Variants in KIF1A observed in about 807,000 individuals in gnomAD.
The protein encoded by KIF1A is kinesin-like protein KIF1A.
A neutral mutation model predicts 227.3 loss-of-function variants in KIF1A; 46 were observed. The ratio of observed to expected loss-of-function variants is 0.20; its 90% CI spans 0.16 to 0.26. KIF1A has a LOEUF of 0.26. Ranked by LOEUF, KIF1A falls within the 10% of genes least tolerant of loss-of-function variation. The pLI, the probability that KIF1A is intolerant of heterozygous loss-of-function variation, is 1.00. For missense variants in KIF1A, 1,683 were observed against 2,485.9 expected (o/e 0.68, Z 6.87); for synonymous variants, 1,022 against 1,012.8 (o/e 1.01, Z -0.17).
chr2:240,757,249 G>A lies in KIF1A; in HGVS notation c.2858+70C>T. ...CGGGCCAGGCCCCAGCGGTTCCTCTGTGCCCGCAGCAGTGCTCCTGTGCAA... is the reference window on the plus strand; with the variant it reads ...CGGGCCAGGCCCCAGCGGTTCCTCTATGCCCGCAGCAGTGCTCCTGTGCAA... On this transcript the variant is annotated intron_variant, in intron 27 of 48. Transcript: ENST00000498729. The surrounding 1 kb of genome is among the most constrained non-coding windows in gnomAD (Gnocchi z 6.2). 2.1e-6 allele frequency: 3 copies of A among 1,447,950 alleles called. No homozygotes were observed. Among genetic ancestry groups the A allele is most frequent in the East Asian group, 2.5e-5 (1 of 40,238 alleles). 89.7% of individuals were successfully genotyped at this position (1,447,950 alleles called of 1,614,324 possible).
chr2:240,734,648 C>G, intron 38 of KIF1A: 7 of 1,193,172 alleles, frequency 5.9e-6, no homozygotes, highest in Non-Finnish European at 7.9e-6. Flanking sequence ...GGGGGGCGGT[C>G]AGGGGAGGAG....
chr2:240,781,481 ACACACAGCTC>A (rs1207628679), intron 10 of KIF1A, among the ~76,000 whole-genome samples: 6 of 132,204 alleles, frequency 4.5e-5, no homozygotes, highest in Non-Finnish European at 8.2e-5. Context: ...ACACACACAC[ACACACAGCTC>A]CACACACAGC....
intron 17 of KIF1A, 45 bp downstream of exon 17, chr2:240,769,088 C>A: frequency 1.3e-6 from 2 of 1,514,554 alleles, no homozygotes; most frequent in South Asian, 1.2e-5. Context: ...CTCACCTGGT[C>A]CTGTTCAGAT....
intron 20 of KIF1A, 70 bp downstream of exon 20, chr2:240,765,640 G>T: frequency 8.0e-7 from 1 of 1,256,888 alleles, no homozygotes. Flanking sequence ...GCGGTGGCTT[G>T]GACATGGGAA....
At position 240,739,467 on chromosome 2, in the gene KIF1A, T is replaced by C. The variant is rs2047712392; in HGVS notation, c.3901+591A>G. Among the ~76,000 whole-genome samples the C allele has an allele frequency of 6.6e-6, 1 of 152,198 alleles. No individual in the cohort carries two copies. The highest frequency in any genetic ancestry group is 2.1e-4 in the South Asian group (1 of 4,816). On this transcript the variant is annotated intron_variant, in intron 37 of 48. Transcript: ENST00000498729. This position sits in a 1 kb window ranked among gnomAD's most constrained non-coding sequence, Gnocchi z 5.6. ...ACCTCCAGGACCTTCAAAGGGGACC[T>C]TATTTGGAAGTAGGGCTTTGCAGAG... is the stretch of plus-strand genomic sequence containing the variant.
At chr2:240,816,988 G>A (rs990850732) in intron 1 of KIF1A, among the ~76,000 whole-genome samples, 2 of 152,232 alleles carry the variant, frequency 1.3e-5, no homozygotes, top group Non-Finnish European at 2.9e-5. Flanking sequence ...GGCCAGCCAG[G>A]CTGAGGGTGG....
intron 1 of KIF1A, among the ~76,000 whole-genome samples, chr2:240,818,314 G>T (rs1286708701): frequency 6.6e-6 from 1 of 152,148 alleles, no homozygotes; most frequent in Non-Finnish European, 1.5e-5. Flanking sequence ...CCGGGTAAAG[G>T]CTGCCCTCCT....
intron 1 of KIF1A, among the ~76,000 whole-genome samples, chr2:240,812,961 C>CAGCCTT (rs2058039545): frequency 7.1e-6 from 1 of 141,698 alleles, no homozygotes; most frequent in African/African-American, 2.7e-5. Context: ...CCTCAAGGAT[C>CAGCCTT]CACCTTCACC....
intron 2 of KIF1A, among the ~76,000 whole-genome samples, chr2:240,795,187 C>T (rs1403526883): frequency 1.3e-5 from 2 of 152,196 alleles, no homozygotes; most frequent in Non-Finnish European, 2.9e-5. Flanking sequence ...GCATTTCCCT[C>T]CTGACCTCCT....
At position 240,818,354 on chromosome 2, in the gene KIF1A, G is replaced by A. The variant is rs529355126; in HGVS notation, c.-61+1768C>T. On this transcript the variant is annotated intron_variant, in intron 1 of 48. Transcript: ENST00000498729. The stretch of plus-strand genomic sequence containing the variant: ...TCCCACGCTGGGCCCCTCAGCCAGC[G>A]GCCTTACCGCATCCCTCCTCATCCC... 3.9e-5 allele frequency among the ~76,000 whole-genome samples: 6 copies of A among 152,260 alleles called. No individual in the cohort carries two copies. In the East Asian group the frequency reaches 1.2e-3, roughly 29 times the overall value.
intron 1 of KIF1A, chr2:240,818,839 C>G (rs544381984): frequency 6.6e-6 from 1 of 152,670 alleles, no homozygotes; most frequent in East Asian, 1.9e-4. Context: ...CGCACCGCCT[C>G]CTCTCCGCAG....
chr2:240,772,930 C>G (rs2052200993), intron 13 of KIF1A, among the ~76,000 whole-genome samples, 184 bp downstream of exon 13: 1 of 152,176 alleles, frequency 6.6e-6, no homozygotes, highest in African/African-American at 2.4e-5. Context: ...GCATTTCTGC[C>G]CAGGAACGTG....
intron 28 of KIF1A, among the ~76,000 whole-genome samples, chr2:240,750,211 C>A (rs1360333624): frequency 6.6e-6 from 1 of 152,194 alleles, no homozygotes; most frequent in African/African-American, 2.4e-5. Context: ...CCCTCCAGGG[C>A]CCACTGCGGG....
chr2:240,772,082 T>C (rs2052080823), intron 14 of KIF1A, among the ~76,000 whole-genome samples: 1 of 152,214 alleles, frequency 6.6e-6, no homozygotes, highest in Non-Finnish European at 1.5e-5. Flanking sequence ...AAAGCTGAGC[T>C]TCTGGCATTT....
chr2:240,765,797 C>T lies in KIF1A; in HGVS notation c.1685-4G>A. 1 of 1,612,112 alleles carries T rather than the reference C, an allele frequency of 6.2e-7. No homozygotes were observed. The highest frequency in any genetic ancestry group is 1.1e-5 in the South Asian group (1 of 91,042). On this transcript the variant is annotated splice_polypyrimidine_tract_variant and splice_region_variant and intron_variant, in intron 19 of 48. Coordinates refer to ENST00000498729, the MANE Select transcript of KIF1A (RefSeq NM_001244008.2). ...CAGGGCTCCAAGGTCACCACAGCTA[C>T]AGGAAAGGTGGGAGGGGCAGAGAGG...
rs2056570242 is a variant in KIF1A at position 240,797,808 on chromosome 2, A to G, written c.-56T>C. 2.8e-6 allele frequency: 3 copies of G among 1,081,426 alleles called. No individual in the cohort carries two copies. The South Asian group carries it at 4.1e-5, about 15-fold the overall frequency. The allele number at this position is 1,081,426 out of a possible 1,614,324, so 67.0% of individuals were successfully genotyped here. The stretch of plus-strand genomic sequence containing the variant: ...GTAGTGGGAGCCCCAGTGTGGGGGG[A>G]ACACCTTGGAAAAAAGGGAAACATG... On this transcript the variant is annotated 5_prime_UTR_variant, in exon 2 of 49. Coordinates refer to ENST00000498729, the MANE Select transcript of KIF1A (RefSeq NM_001244008.2).
rs115854067 is a variant in KIF1A at position 240,793,029 on chromosome 2, G to T, written c.107-3717C>A. Among the ~76,000 whole-genome samples, 1,414 of 152,304 alleles carry T rather than the reference G, an allele frequency of 9.3e-3. 30 individuals are homozygous for T. Among genetic ancestry groups the T allele is most frequent in the African/African-American group, 0.033 (1,369 of 41,562 alleles). On this transcript the variant is annotated intron_variant, in intron 2 of 48. Coordinates refer to ENST00000498729, the MANE Select transcript of KIF1A (RefSeq NM_001244008.2). This position sits in a 1 kb window ranked among gnomAD's most constrained non-coding sequence, Gnocchi z 4.8. ...TCCGAGTCTGGCCTCCAGAACAGGG[G>T]GGGGACATTTCTGTCATTTGAAGCC...
chr2:240,782,974 G>T, intron 9 of KIF1A, 70 bp downstream of exon 9: 1 of 1,265,266 alleles, frequency 7.9e-7, no homozygotes, highest in Non-Finnish European at 1.2e-6. Context: ...AAACGAGGGT[G>T]ACAGGGGCAG....
intron 10 of KIF1A, among the ~76,000 whole-genome samples, chr2:240,779,809 G>A (rs556844905): frequency 3.1e-4 from 47 of 152,302 alleles, no homozygotes; most frequent in African/African-American, 1.0e-3. Context: ...TTCCTCGCAC[G>A]GTTCTGCGGC....
Sources: gnomAD v4.1 joint callset for allele counts (sites outside exome capture counted in the v4.1 genomes callset) on GRCh38, gnomAD v4.1.1 for gene constraint, Gnocchi (gnomAD v3.1) non-coding constraint, MANE v1.5 for transcripts, NCBI Gene and HGNC (gene_info 2026-07-23, HGNC 2026-07-21) for gene names.